The following RNF175 variants were observed in gnomAD, a reference collection of about 807,000 sequenced individuals.
RNF175 encodes the protein ring finger protein 175.
RNF175 carries 38 observed loss-of-function variants against 50.0 expected under a neutral mutation model. The ratio of observed to expected loss-of-function variants is 0.76; its 90% CI spans 0.59 to 1.00. The LOEUF is 1.00. Ranked by LOEUF, RNF175 falls within the 50% of genes least tolerant of loss-of-function variation. The pLI is 0.00. For synonymous variants in RNF175, 155 were observed against 146.1 expected (o/e 1.06, Z -0.44); for missense variants, 388 against 409.6 (o/e 0.95, Z 0.46).
At chr4:153,752,737 ATTG>A (rs1740354998) in intron 1 of RNF175, among the ~76,000 whole-genome samples, 1 of 152,212 alleles carries the variant, frequency 6.6e-6, no homozygotes, top group Non-Finnish European at 1.5e-5. Flanking sequence ...TGAAAGACAA[ATTG>A]AACTGGGGAA....
intron 3 of RNF175, among the ~76,000 whole-genome samples, chr4:153,735,747 T>TA (rs150796004): frequency 0.18 from 26,864 of 151,956 alleles, 3,083 homozygotes; most frequent in Non-Finnish European, 0.25. Flanking sequence ...TAAGTATTTA[T>TA]TTTTTTTGGT....
At chr4:153,718,861 A>G (rs1738147315) in intron 6 of RNF175, among the ~76,000 whole-genome samples, 1 of 152,210 alleles carries the variant, frequency 6.6e-6, no homozygotes, top group Non-Finnish European at 1.5e-5. Flanking sequence ...GTGGGGAGGA[A>G]GTCAAGGTCA....
At chr4:153,754,176 A>AT (rs1740448459) in intron 1 of RNF175, among the ~76,000 whole-genome samples, 1 of 96,420 alleles carries the variant, frequency 1.0e-5, no homozygotes, top group African/African-American at 5.9e-5. Context: ...TCTCAAAAAA[A>AT]AAAAAAAAAT....
At chr4:153,742,828 T>G (rs1041383283) in intron 3 of RNF175, among the ~76,000 whole-genome samples, 3 of 150,152 alleles carry the variant, frequency 2.0e-5, no homozygotes, top group Non-Finnish European at 4.4e-5. Flanking sequence ...ATTATGAGTA[T>G]TATAGTAATT....
At chr4:153,718,147 C>A in intron 6 of RNF175, among the ~76,000 whole-genome samples, 1 of 151,374 alleles carries the variant, frequency 6.6e-6, no homozygotes, top group East Asian at 1.9e-4. Flanking sequence ...CACTCAGCAA[C>A]ATGCATTTAA....
chr4:153,748,834 C>T (rs1388894423), intron 2 of RNF175, 48 bp from the exon 3 acceptor site: 4 of 1,465,772 alleles, frequency 2.7e-6, no homozygotes, highest in Non-Finnish European at 3.7e-6. Context: ...CAACCTTGCG[C>T]ATTTAGCAAA....
chr4:153,733,108 A>G (rs1198361836), intron 3 of RNF175, among the ~76,000 whole-genome samples: 2 of 152,194 alleles, frequency 1.3e-5, no homozygotes, highest in African/African-American at 2.4e-5. Context: ...ACCGCAGAAC[A>G]TAATCTATCT....
chr4:153,729,858 G>A (rs1280058533), intron 3 of RNF175: 61 of 952,622 alleles, frequency 6.4e-5, no homozygotes, highest in Non-Finnish European at 7.5e-5. Context: ...TTCAATTTTT[G>A]TTTTTTAACT....
intron 3 of RNF175, among the ~76,000 whole-genome samples, chr4:153,737,484 T>C (rs1035697927): frequency 6.6e-6 from 1 of 152,166 alleles, no homozygotes; most frequent in Admixed American, 6.5e-5. Context: ...TTTTGCTGCA[T>C]CCCAGAAATT....
intron 2 of RNF175, among the ~76,000 whole-genome samples, chr4:153,749,270 C>T (rs1238400249): frequency 6.6e-6 from 1 of 152,218 alleles, no homozygotes; most frequent in Non-Finnish European, 1.5e-5. Flanking sequence ...CTATAAAGCA[C>T]ATGTTATTTT....
chr4:153,740,073 C>A (rs1739567813), intron 3 of RNF175, among the ~76,000 whole-genome samples: 1 of 151,720 alleles, frequency 6.6e-6, no homozygotes, highest in South Asian at 2.1e-4. Flanking sequence ...TGGGAAGTTT[C>A]TACTGACATT....
intron 4 of RNF175, among the ~76,000 whole-genome samples, chr4:153,726,289 G>A (rs1445644482): frequency 6.6e-6 from 1 of 152,032 alleles, no homozygotes; most frequent in African/African-American, 2.4e-5. Flanking sequence ...ATTTTTAGTT[G>A]AGACAGGACT....
intron 3 of RNF175, among the ~76,000 whole-genome samples, chr4:153,739,722 C>T (rs56148270): frequency 0.18 from 26,861 of 151,992 alleles, 3,089 homozygotes; most frequent in Non-Finnish European, 0.25. Context: ...ACTTCACTTT[C>T]TTCTTGTTTG....
chr4:153,730,309 G>A (rs1041227808), intron 3 of RNF175, among the ~76,000 whole-genome samples: 2 of 152,034 alleles, frequency 1.3e-5, no homozygotes, highest in African/African-American at 4.8e-5. Context: ...GGTGGTATGT[G>A]CCTGTAGTCC....
At chr4:153,749,255 T>C (rs1260788799) in intron 2 of RNF175, among the ~76,000 whole-genome samples, 1 of 152,252 alleles carries the variant, frequency 6.6e-6, no homozygotes, top group Non-Finnish European at 1.5e-5. Flanking sequence ...AAGGTTGTTG[T>C]AAGACTATAA....
At chr4:153,738,948 G>A (rs918823155) in intron 3 of RNF175, among the ~76,000 whole-genome samples, 20 of 152,042 alleles carry the variant, frequency 1.3e-4, no homozygotes, top group African/African-American at 3.6e-4. Context: ...ATCCAAGTCC[G>A]TTCTCAAATA....
chr4:153,759,700 G>A, intron 1 of RNF175, 97 bp downstream of exon 1: 1 of 773,000 alleles, frequency 1.3e-6, no homozygotes, highest in Non-Finnish European at 1.9e-6. Context: ...GTGGGGCCCG[G>A]GGTCTTGGAG....
intron 3 of RNF175, 25 bp downstream of exon 3, chr4:153,748,620 C>G (rs758936997): frequency 6.4e-7 from 1 of 1,550,832 alleles, no homozygotes; most frequent in South Asian, 1.2e-5. Flanking sequence ...GGAGCAGGCT[C>G]CCAGCAGCCA....
At chr4:153,722,571 C>T (rs1234409650) in intron 5 of RNF175, among the ~76,000 whole-genome samples, 1 of 151,810 alleles carries the variant, frequency 6.6e-6, no homozygotes, top group Non-Finnish European at 1.5e-5. Flanking sequence ...TCCCAAGTAG[C>T]TGGGATTACA....
Sources: allele counts gnomAD v4.1 joint callset (sites outside exome capture counted in the v4.1 genomes callset), GRCh38; gene constraint gnomAD v4.1.1; transcripts MANE v1.5; gene names NCBI Gene and HGNC (gene_info 2026-07-23, HGNC 2026-07-21).